The following SCN7A variants were observed in gnomAD, a reference collection of about 807,000 sequenced individuals.
SCN7A encodes sodium channel protein type 7 subunit alpha.
A neutral mutation model predicts 155.2 loss-of-function variants in SCN7A; 138 were observed. The ratio of observed to expected loss-of-function variants is 0.89; its 90% CI spans 0.77 to 1.02. The LOEUF is 1.02. Ranked by LOEUF, SCN7A falls within the 50% of genes least tolerant of loss-of-function variation. SCN7A has a pLI of 0.00. For synonymous variants in SCN7A, 693 were observed against 649.0 expected (o/e 1.07, Z -1.03); for missense variants, 2,058 against 1,986.6 (o/e 1.04, Z -0.68).
chr2:166,474,133 A>C (rs1460603051), intron 4 of SCN7A, 93 bp downstream of exon 4: 3 of 611,426 alleles, frequency 4.9e-6, no homozygotes, highest in Non-Finnish European at 5.4e-6. Flanking sequence ...ATAAATTGAA[A>C]AGAGAAAAAT....
At chr2:166,416,576 T>C in intron 21 of SCN7A, 131 bp downstream of exon 21, 1 of 775,294 alleles carries the variant, frequency 1.3e-6, no homozygotes, top group South Asian at 2.0e-5. Context: ...GTATGTCCCA[T>C]TACATTTATC....
At position 166,405,326 on chromosome 2, in the gene SCN7A, G is replaced by T; in HGVS notation, c.*254C>A. The T allele has an allele frequency of 2.4e-6, 1 of 413,374 alleles. No individual in the cohort carries two copies. The highest frequency in any genetic ancestry group is 4.3e-6 in the Non-Finnish European group (1 of 235,266). The allele number at this position is 413,374 out of a possible 1,614,324, so 25.6% of individuals were successfully genotyped here. Reference sequence around the variant, plus strand: ...AGGCACACATCATATAAGCCATGTAGAGAAAACAAATATGAGATTGTCAAA... The same window carrying T: ...AGGCACACATCATATAAGCCATGTATAGAAAACAAATATGAGATTGTCAAA... On this transcript the variant is annotated 3_prime_UTR_variant, in exon 26 of 26. Coordinates refer to ENST00000643258, the MANE Select transcript of SCN7A (RefSeq NM_002976.4).
chr2:166,405,709 G>T lies in SCN7A; in HGVS notation c.4920C>A (p.Arg1640=), dbSNP rs763214028. 7 of 1,612,990 alleles carry T rather than the reference G, an allele frequency of 4.3e-6. No homozygotes were observed. Among genetic ancestry groups the T allele is most frequent in the Non-Finnish European group, 5.9e-6 (7 of 1,179,324 alleles). ...ATGTATTTTTGTCATTTCGCCTCAA[G>T]CGGTAATTTTTATAAGCACGTTGAA... The part of the protein sequence containing the change: ...TIIQRAYKNY[R]LRRNDKNTSD... Residue 1640 remains arginine, a synonymous_variant, in exon 26 of 26, where the codon CGC becomes CGA. Transcript: ENST00000643258.
chr2:166,444,886 A>G lies in SCN7A; in HGVS notation c.1502T>C (p.Ile501Thr). The change falls in exon 13 of 26, where the codon ATT (isoleucine) becomes ACT (threonine). Residue 501 changes from isoleucine to threonine, a missense_variant. Transcript: ENST00000643258. Reference sequence around the variant, plus strand: ...AAGATCAGTAAATGGTGCCATTATAATCCTATGGACAAACTCTTTCAATTT... The same window carrying G: ...AAGATCAGTAAATGGTGCCATTATAGTCCTATGGACAAACTCTTTCAATTT... ...WLKLKEFVHRIIMAPFTDLFL... is the reference protein window; with the variant it reads ...WLKLKEFVHRTIMAPFTDLFL... The G allele has an allele frequency of 1.2e-6, 2 of 1,612,910 alleles. No individual in the cohort carries two copies.
At chr2:166,409,583 G>A in intron 25 of SCN7A, 82 bp downstream of exon 25, 1 of 1,048,718 alleles carries the variant, frequency 9.5e-7, no homozygotes, top group African/African-American at 1.6e-5. Flanking sequence ...TGAAATGTAG[G>A]AGACTATATT....
At position 166,412,656 on chromosome 2, in the gene SCN7A, C is replaced by A; in HGVS notation, c.3480G>T (p.Gln1160His). The A allele has an allele frequency of 1.3e-6, 2 of 1,504,688 alleles. No individual in the cohort carries two copies. The highest frequency in any genetic ancestry group is 1.8e-6 in the Non-Finnish European group (2 of 1,132,016). The allele number at this position is 1,504,688 out of a possible 1,614,324, so 93.2% of individuals were successfully genotyped here. A position where few individuals can be genotyped will look rare whatever the true frequency, so the allele number is the denominator to read the frequency against. Residue 1160 changes from glutamine to histidine, a missense_variant, in exon 23 of 26, where the codon CAG becomes CAT. Coordinates refer to ENST00000643258, the MANE Select transcript of SCN7A (RefSeq NM_002976.4). ...TGTAGATGTTGACTTCAAAATGAGG[C>A]TGTATATTAACCTAGAAGTTTAAAA... ...SAIDSVAVNI[Q>H]PHFEVNIYMY...
intron 10 of SCN7A, chr2:166,461,908 T>C (rs962016031): frequency 2.0e-5 from 3 of 153,492 alleles, no homozygotes; most frequent in African/African-American, 7.3e-5. Context: ...GCTAATACGG[T>C]GAAACCCCTC....
chr2:166,407,665 T>A (rs1433437670), intron 25 of SCN7A, among the ~76,000 whole-genome samples: 1 of 151,978 alleles, frequency 6.6e-6, no homozygotes, highest in Admixed American at 6.6e-5. Flanking sequence ...AAATTGTGAA[T>A]AAATTCCTCT....
rs1424817076 is a variant in SCN7A at position 166,441,475 on chromosome 2, A to G, written c.2078T>C (p.Leu693Ser). ...GCCTGCAACCTCCATACAGTCCCAC[A>G]AGGTCTCTACCCACTCTCCACAGAG... ...RILCGEWVETLWDCMEVAGQS... is the reference protein window; with the variant it reads ...RILCGEWVETSWDCMEVAGQS... The change falls in exon 15 of 26, where the codon TTG becomes TCG. Residue 693 changes from leucine (L) to serine (S), a missense_variant. Leu to Ser is a moderately radical substitution (Grantham distance 145). Coordinates refer to ENST00000643258, the MANE Select transcript of SCN7A (RefSeq NM_002976.4). 1 of 1,614,046 alleles carries G rather than the reference A, an allele frequency of 6.2e-7. No individual in the cohort carries two copies. The highest frequency in any genetic ancestry group is 1.7e-5 in the Admixed American group (1 of 59,966).
intron 25 of SCN7A, among the ~76,000 whole-genome samples, chr2:166,409,167 G>T (rs753949964): frequency 8.6e-5 from 13 of 151,940 alleles, no homozygotes; most frequent in Admixed American, 6.6e-5. Context: ...TTCTCAAAGA[G>T]AATTATCAAG....
chr2:166,482,078 C>T (rs1330882415), intron 2 of SCN7A, among the ~76,000 whole-genome samples: 2 of 152,136 alleles, frequency 1.3e-5, no homozygotes, highest in African/African-American at 4.8e-5. Context: ...AATTTTGGAA[C>T]ATTTCTAAGG....
Position 166,477,570 on chromosome 2 carries a change from C to G in SCN7A, c.127G>C (p.Asp43His). Residue 43 changes from aspartate (D) to histidine (H), a missense_variant, in exon 3 of 26, where the codon GAT becomes CAT. Transcript: ENST00000643258. ...GGAAGCTTTTTGCCAACTTCCAAAT[C>G]AGGAGTTGGCTTTAAGTCTTCTTCT... ...HEEEDLKPTP[D>H]LEVGKKLPFI... 6.3e-7 allele frequency: 1 copy of G among 1,580,206 alleles called. No homozygotes were observed. Among genetic ancestry groups the G allele is most frequent in the African/African-American group, 1.3e-5 (1 of 74,370 alleles).
rs752880651 is a variant in SCN7A at position 166,441,536 on chromosome 2, C to T, written c.2017G>A (p.Asp673Asn). The T allele has an allele frequency of 6.2e-7, 1 of 1,614,104 alleles. No individual in the cohort carries two copies. The highest frequency in any genetic ancestry group is 8.5e-7 in the Non-Finnish European group (1 of 1,179,990). The change falls in exon 15 of 26, where the codon GAC (aspartate) becomes AAC (asparagine). Residue 673 changes from aspartate to asparagine, a missense_variant. Coordinates refer to ENST00000643258, the MANE Select transcript of SCN7A (RefSeq NM_002976.4). Reference sequence around the variant, plus strand: ...ACATTCAGGAAGGAGTGGAAAAAGTCATGCATGTGCCAGCGTGGGAGTTGA... The same window carrying T: ...ACATTCAGGAAGGAGTGGAAAAAGTTATGCATGTGCCAGCGTGGGAGTTGA... ...DCQLPRWHMHDFFHSFLNVFR... is the reference protein window; with the variant it reads ...DCQLPRWHMHNFFHSFLNVFR...
chr2:166,405,926 A>G lies in SCN7A; in HGVS notation c.4703T>C (p.Val1568Ala), dbSNP rs746020061. Residue 1568 changes from valine to alanine, a missense_variant, in exon 26 of 26, where the codon GTT (valine) becomes GCT (alanine). Transcript: ENST00000643258. ...QLIALDLPMA[V>A]GDRIHCLDIL... ...ATCGAGGCAATGAATTCTGTCCCCA[A>G]CAGCCATGGGGAGGTCCAAAGCAAT... The G allele has an allele frequency of 9.3e-6, 15 of 1,612,956 alleles. No homozygotes were observed. The highest frequency in any genetic ancestry group is 1.7e-4 in the Middle Eastern group (1 of 6,052).
At position 166,444,815 on chromosome 2, in the gene SCN7A, C is replaced by T; in HGVS notation, c.1573G>A (p.Glu525Lys). ...GTTTGTTTACTCATTGGATAATGCTCCAAGGTCAGAAAACATACGTTTAAA... is the reference window on the plus strand; with the variant it reads ...GTTTGTTTACTCATTGGATAATGCTTCAAGGTCAGAAAACATACGTTTAAA... The part of the protein sequence containing the change: ...IILNVCFLTL[E>K]HYPMSKQTNT... Residue 525 changes from glutamate to lysine, a missense_variant, in exon 13 of 26, where the codon GAG becomes AAG. Physicochemically the swap from Glu to Lys is moderately conservative, Grantham distance 56. Transcript: ENST00000643258. The T allele has an allele frequency of 1.9e-6, 3 of 1,607,984 alleles. No homozygotes were observed. Among genetic ancestry groups the T allele is most frequent in the African/African-American group, 1.3e-5 (1 of 74,928 alleles).
intron 18 of SCN7A, among the ~76,000 whole-genome samples, chr2:166,425,366 C>T (rs1057379269): frequency 9.9e-5 from 15 of 152,076 alleles, no homozygotes; most frequent in African/African-American, 3.6e-4. Flanking sequence ...GACCTAGAAA[C>T]ATGTACTAGC....
chr2:166,434,722 G>A (rs1701802638), intron 15 of SCN7A, among the ~76,000 whole-genome samples: 1 of 152,122 alleles, frequency 6.6e-6, no homozygotes, highest in South Asian at 2.1e-4. Context: ...TATAATTTAA[G>A]ATAGTCAGTT....
intron 10 of SCN7A, among the ~76,000 whole-genome samples, chr2:166,458,108 G>C (rs1048300711): frequency 3.9e-5 from 6 of 152,020 alleles, no homozygotes; most frequent in Admixed American, 3.9e-4. Flanking sequence ...TTATTGTAGT[G>C]CATTCAGCAG....
chr2:166,462,197 A>C, intron 10 of SCN7A, 192 bp downstream of exon 10: 1 of 525,174 alleles, frequency 1.9e-6, no homozygotes, highest in Non-Finnish European at 3.2e-6. Context: ...TCAAAGATTA[A>C]ATAAGATATA....
Sources: allele counts gnomAD v4.1 joint callset (sites outside exome capture counted in the v4.1 genomes callset), GRCh38; gene constraint gnomAD v4.1.1; transcripts MANE v1.5; gene names NCBI Gene and HGNC (gene_info 2026-07-23, HGNC 2026-07-21).